Variants in AGAP3 observed in about 807,000 individuals in gnomAD.
AGAP3 encodes arf-GAP with GTPase, ANK repeat and PH domain-containing protein 3.
Under a neutral mutation model 96.9 loss-of-function variants are expected in AGAP3, and 24 were observed. The observed-to-expected ratio is 0.25, with a 90% CI of 0.18 to 0.35. The LOEUF is 0.35. Among genes scored for constraint, AGAP3 ranks in the 10% least tolerant of loss-of-function variants. AGAP3 has a pLI of 1.00. For missense variants in AGAP3, 876 were observed against 1,254.2 expected (o/e 0.70, Z 4.55); for synonymous variants, 563 against 536.1 (o/e 1.05, Z -0.69).
chr7:151,122,586 T>TCTCCTCCTC lies in AGAP3; in HGVS notation c.1129-1195_1129-1187dup, dbSNP rs560039891. The TCTCCTCCTC allele has an allele frequency of 7.7e-6, 7 of 910,656 alleles. 1 individual carries two copies. The highest frequency in any genetic ancestry group is 3.3e-5 in the South Asian group (2 of 61,184). 56.4% of individuals were successfully genotyped at this position (910,656 alleles called of 1,614,324 possible). Reference sequence around the variant, plus strand: ...TTGTCCTTCTCCTCTTCCTCGTCCTTCTCCTCCTCCTCCTCCTCCTCTTCA... The same window carrying TCTCCTCCTC: ...TTGTCCTTCTCCTCTTCCTCGTCCTTCTCCTCCTCCTCCTCCTCCTCCTCCTCCTCTTCA... On this transcript the variant is annotated intron_variant, in intron 8 of 17. Transcript: ENST00000397238.
At chr7:151,122,295 G>A (rs988070738) in intron 8 of AGAP3, among the ~76,000 whole-genome samples, 2 of 152,194 alleles carry the variant, frequency 1.3e-5, no homozygotes, top group Non-Finnish European at 2.9e-5. Context: ...TTTGCTCTCC[G>A]GCGGCTCTTT....
At chr7:151,130,222 C>G (rs1800350933) in intron 10 of AGAP3, among the ~76,000 whole-genome samples, 1 of 152,186 alleles carries the variant, frequency 6.6e-6, no homozygotes, top group Admixed American at 6.5e-5. Context: ...GCTGTCTGTG[C>G]CCTCTGCCAA....
chr7:151,122,263 C>T (rs1175722589), intron 8 of AGAP3, among the ~76,000 whole-genome samples: 1 of 152,246 alleles, frequency 6.6e-6, no homozygotes, highest in East Asian at 1.9e-4. Flanking sequence ...GCGGTGCCGC[C>T]TGTGGAGCTG....
chr7:151,115,163 G>A (rs1451826009), intron 1 of AGAP3: 5 of 1,040,154 alleles, frequency 4.8e-6, no homozygotes, highest in African/African-American at 3.5e-5. Flanking sequence ...CTTTCCTGGA[G>A]GTGAACCGCC....
chr7:151,111,153 G>C (rs1291960241), intron 1 of AGAP3, among the ~76,000 whole-genome samples: 1 of 152,196 alleles, frequency 6.6e-6, no homozygotes, highest in East Asian at 1.9e-4. Flanking sequence ...GCTCAGTGGC[G>C]GGTGTGTGGC....
intron 11 of AGAP3, among the ~76,000 whole-genome samples, chr7:151,135,685 A>AG (rs2150524528): frequency 6.6e-6 from 1 of 152,328 alleles, no homozygotes; most frequent in South Asian, 2.1e-4. Flanking sequence ...GCCCGAAGGC[A>AG]GGGGAGTGGC....
intron 10 of AGAP3, 30 bp downstream of exon 10, chr7:151,128,714 G>T: frequency 4.5e-6 from 7 of 1,558,690 alleles, no homozygotes; most frequent in East Asian, 2.2e-5. Context: ...CCTCCTGGGG[G>T]AGTATGGGGA....
chr7:151,111,087 C>T (rs2150444448), intron 1 of AGAP3, among the ~76,000 whole-genome samples: 2 of 152,286 alleles, frequency 1.3e-5, no homozygotes, highest in South Asian at 4.1e-4. Context: ...GCCTGCTGGA[C>T]ACCAGCCAGT....
chr7:151,112,734 G>A (rs895989991), intron 1 of AGAP3, among the ~76,000 whole-genome samples: 2 of 151,990 alleles, frequency 1.3e-5, no homozygotes, highest in African/African-American at 2.4e-5. Context: ...AAGTAGCTGG[G>A]ACCACAGGCT....
intron 8 of AGAP3, chr7:151,120,570 T>C (rs1253864516): frequency 8.1e-7 from 1 of 1,240,500 alleles, no homozygotes; most frequent in South Asian, 1.3e-5. Flanking sequence ...CACAGAGGGT[T>C]AGCTGGCCCA....
At chr7:151,090,954 AAAAACAAAAC>A (rs1002331496) in intron 1 of AGAP3, among the ~76,000 whole-genome samples, 1 of 152,048 alleles carries the variant, frequency 6.6e-6, no homozygotes, top group African/African-American at 2.4e-5. Context: ...AAAAAAAAAC[AAAAACAAAAC>A]AAAACAAAAC....
In AGAP3 at chr7:151,086,588, C is replaced by T. The variant is rs1321833791; in HGVS notation, c.-154C>T. Among the ~76,000 whole-genome samples the T allele has an allele frequency of 6.8e-6, 1 of 147,064 alleles. No homozygotes were observed. The highest frequency in any genetic ancestry group is 2.0e-4 in the East Asian group (1 of 5,098). ...CCTCCTGGCCTCGGCCTCCGGCCCCCGGCCCCCGGCTCCATGCGCTAGCCC... is the reference window on the plus strand; with the variant it reads ...CCTCCTGGCCTCGGCCTCCGGCCCCTGGCCCCCGGCTCCATGCGCTAGCCC... On this transcript the variant is annotated 5_prime_UTR_variant, in exon 1 of 18. Coordinates refer to ENST00000397238, the MANE Select transcript of AGAP3 (RefSeq NM_031946.7).
chr7:151,100,630 A>G (rs1798799941), intron 1 of AGAP3, among the ~76,000 whole-genome samples: 1 of 152,142 alleles, frequency 6.6e-6, no homozygotes, highest in South Asian at 2.1e-4. Context: ...CCAGGAGTTC[A>G]CGACCAGCAT....
chr7:151,122,504 CCCGCCG>C (rs199902776), intron 8 of AGAP3, among the ~76,000 whole-genome samples: 25 of 151,486 alleles, frequency 1.7e-4, no homozygotes, highest in African/African-American at 5.1e-4. Context: ...GCCGCTGCCG[CCCGCCG>C]CCGCCGCCGC....
chr7:151,097,480 T>A (rs757262536), intron 1 of AGAP3, among the ~76,000 whole-genome samples: 3 of 140,612 alleles, frequency 2.1e-5, no homozygotes, highest in Non-Finnish European at 4.5e-5. Context: ...TGCAGTGAGC[T>A]GAGATTATGC....
chr7:151,123,671 C>G, intron 8 of AGAP3, 123 bp from the exon 9 acceptor site: 2 of 1,546,362 alleles, frequency 1.3e-6, no homozygotes, highest in South Asian at 2.4e-5. Flanking sequence ...CCCGCCGCCC[C>G]GGCCCGACCC....
intron 1 of AGAP3, among the ~76,000 whole-genome samples, chr7:151,098,355 G>GCACA (rs145529821): frequency 6.6e-6 from 1 of 150,496 alleles, no homozygotes; most frequent in African/African-American, 2.4e-5. Flanking sequence ...GGAGACCCTG[G>GCACA]CACACACACA....
intron 10 of AGAP3, among the ~76,000 whole-genome samples, chr7:151,129,758 G>T (rs1254086774): frequency 6.6e-6 from 1 of 151,678 alleles, no homozygotes; most frequent in East Asian, 2.0e-4. Context: ...GGCAATGAGA[G>T]GCAGCCAGGC....
chr7:151,102,860 C>T (rs1212432588), intron 1 of AGAP3, among the ~76,000 whole-genome samples: 3 of 152,164 alleles, frequency 2.0e-5, no homozygotes, highest in South Asian at 2.1e-4. Context: ...AAGCAATCTC[C>T]CTCGGCCTCC....
Sources: gnomAD v4.1 joint callset for allele counts (sites outside exome capture counted in the v4.1 genomes callset) on GRCh38, gnomAD v4.1.1 for gene constraint, MANE v1.5 for transcripts, NCBI Gene and HGNC (gene_info 2026-07-23, HGNC 2026-07-21) for gene names.